The following ATP9A variants were observed in gnomAD, a reference collection of about 807,000 sequenced individuals.
ATP9A encodes the protein ATPase phospholipid transporting 9A, also known as probable phospholipid-transporting ATPase IIA.
A neutral mutation model predicts 144.1 loss-of-function variants in ATP9A; 52 were observed. The ratio of observed to expected loss-of-function variants is 0.36; its 90% CI spans 0.29 to 0.45. The LOEUF is 0.45. Ranked by LOEUF, ATP9A falls within the 20% of genes least tolerant of loss-of-function variation. The probability of loss-of-function intolerance (pLI) is 1.00; values close to 1 mark genes in which losing one functional copy is unlikely to be tolerated. For synonymous variants in ATP9A, 582 were observed against 557.4 expected (o/e 1.04, Z -0.62); for missense variants, 947 against 1,392.7 (o/e 0.68, Z 5.09).
Position 51,768,292 on chromosome 20 carries a change from G to C in ATP9A, c.68+10C>G. ...CGGACAAAGGAAAACACGGGCCCAG[G>C]CCCACTCACCCGGCGCGGGGCCTGC... On this transcript the variant is annotated intron_variant, in intron 1 of 27. Coordinates refer to ENST00000338821, the MANE Select transcript of ATP9A (RefSeq NM_006045.3). 7.8e-7 allele frequency: 1 copy of C among 1,283,772 alleles called. No homozygotes were observed. The highest frequency in any genetic ancestry group is 9.9e-7 in the Non-Finnish European group (1 of 1,006,980). 79.5% of individuals were successfully genotyped at this position (1,283,772 alleles called of 1,614,324 possible). A position where few individuals can be genotyped will look rare whatever the true frequency, so the allele number is the denominator to read the frequency against.
chr20:51,745,998 TA>T (rs2122895694), intron 1 of ATP9A, among the ~76,000 whole-genome samples: 1 of 152,234 alleles, frequency 6.6e-6, no homozygotes, highest in South Asian at 2.1e-4. Flanking sequence ...TACGCAGCCA[TA>T]AAAAAGAACA....
At chr20:51,750,411 A>C (rs2077826260) in intron 1 of ATP9A, among the ~76,000 whole-genome samples, 1 of 152,010 alleles carries the variant, frequency 6.6e-6, no homozygotes, top group African/African-American at 2.4e-5. Context: ...TACCCAAGAC[A>C]CTCGGTCATA....
chr20:51,753,495 C>T (rs946403587), intron 1 of ATP9A, among the ~76,000 whole-genome samples: 1 of 149,740 alleles, frequency 6.7e-6, no homozygotes, highest in Non-Finnish European at 1.5e-5. Context: ...AACAAACCCA[C>T]GTTCTACATG....
At chr20:51,716,213 T>G (rs948625799) in intron 3 of ATP9A, among the ~76,000 whole-genome samples, 2 of 152,150 alleles carry the variant, frequency 1.3e-5, no homozygotes, top group African/African-American at 4.8e-5. Context: ...TACTCCACAT[T>G]TATTTGGTCA....
chr20:51,677,638 C>A (rs1478324024), intron 9 of ATP9A, among the ~76,000 whole-genome samples: 1 of 152,178 alleles, frequency 6.6e-6, no homozygotes, highest in African/African-American at 2.4e-5. Flanking sequence ...CTTTTTAGAG[C>A]ACATTCTTCC....
At chr20:51,662,325 G>A (rs573018576) in intron 13 of ATP9A, among the ~76,000 whole-genome samples, 4 of 152,102 alleles carry the variant, frequency 2.6e-5, no homozygotes, top group South Asian at 2.1e-4. Flanking sequence ...CGAGTGGATC[G>A]CCTGAGGTCG....
At chr20:51,723,260 G>A (rs2077697357) in intron 3 of ATP9A, among the ~76,000 whole-genome samples, 2 of 152,130 alleles carry the variant, frequency 1.3e-5, no homozygotes, top group Admixed American at 1.3e-4. Context: ...AAAAGAGTGG[G>A]GAGGGAGGCA....
At chr20:51,683,030 T>C (rs887574050) in intron 9 of ATP9A, among the ~76,000 whole-genome samples, 2 of 150,076 alleles carry the variant, frequency 1.3e-5, no homozygotes, top group African/African-American at 4.9e-5. Flanking sequence ...AGGTGGAGGT[T>C]GCAATGAGCA....
At chr20:51,686,771 C>T (rs559966399) in intron 9 of ATP9A, among the ~76,000 whole-genome samples, 171 of 152,178 alleles carry the variant, frequency 1.1e-3, no homozygotes, top group Non-Finnish European at 2.1e-3. Flanking sequence ...CCCATCTTTA[C>T]TAAAAATACA....
chr20:51,666,195 T>A (rs190423023), intron 13 of ATP9A, among the ~76,000 whole-genome samples: 2 of 152,254 alleles, frequency 1.3e-5, no homozygotes, highest in Admixed American at 1.3e-4. Flanking sequence ...AAACTCTTCC[T>A]TGGAGTCCAC....
chr20:51,713,473 T>A lies in ATP9A; in HGVS notation c.328-399A>T, dbSNP rs139351987. Among the ~76,000 whole-genome samples, 824 of 152,278 alleles carry A rather than the reference T, an allele frequency of 5.4e-3. 3 individuals are homozygous for A. The highest frequency in any genetic ancestry group is 0.02 in the Middle Eastern group (6 of 294). On this transcript the variant is annotated intron_variant, in intron 3 of 27. Coordinates refer to ENST00000338821, the MANE Select transcript of ATP9A (RefSeq NM_006045.3). ...GTATTGGAAGTGCACTTCATCCTCA[T>A]AACAACCCTGAGATATGCTCCTATA...
chr20:51,657,894 T>G (rs1008437474), intron 13 of ATP9A, among the ~76,000 whole-genome samples: 5 of 152,224 alleles, frequency 3.3e-5, no homozygotes, highest in Admixed American at 6.5e-5. Flanking sequence ...GCTCAAGTTT[T>G]GCCTTGCAGG....
At chr20:51,658,740 G>C (rs889050450) in intron 13 of ATP9A, among the ~76,000 whole-genome samples, 2 of 151,582 alleles carry the variant, frequency 1.3e-5, no homozygotes, top group African/African-American at 4.9e-5. Flanking sequence ...GGCTGGTCTC[G>C]AACTCCTGAC....
intron 11 of ATP9A, among the ~76,000 whole-genome samples, chr20:51,671,494 T>C (rs769889029): frequency 6.6e-6 from 1 of 152,166 alleles, no homozygotes; most frequent in Non-Finnish European, 1.5e-5. Flanking sequence ...TCACTTAAAA[T>C]ACAGAAAGGG....
chr20:51,602,518 G>C (rs779708250), intron 27 of ATP9A, among the ~76,000 whole-genome samples: 1 of 152,232 alleles, frequency 6.6e-6, no homozygotes, highest in Non-Finnish European at 1.5e-5. Flanking sequence ...ACGCTTTCTA[G>C]AGACTAGTGA....
At chr20:51,635,034 T>C (rs1315181290) in intron 15 of ATP9A, among the ~76,000 whole-genome samples, 1 of 133,288 alleles carries the variant, frequency 7.5e-6, no homozygotes, top group Non-Finnish European at 1.6e-5. Flanking sequence ...GCCACCCCCC[T>C]GGAGTGGAGC....
At chr20:51,626,005 G>A (rs953822460) in intron 17 of ATP9A, among the ~76,000 whole-genome samples, 2 of 152,246 alleles carry the variant, frequency 1.3e-5, no homozygotes, top group Non-Finnish European at 2.9e-5. Context: ...GCATGGAGCA[G>A]GGCAGGGCCC....
At chr20:51,652,833 T>G (rs1478424035) in intron 14 of ATP9A, among the ~76,000 whole-genome samples, 1 of 150,948 alleles carries the variant, frequency 6.6e-6, no homozygotes, top group East Asian at 2.0e-4. Context: ...GCAAGGCCAG[T>G]CGCAGTGGCT....
Position 51,598,654 on chromosome 20 carries a change from C to A in ATP9A, c.*2557G>T, listed in dbSNP as rs1429167401. ...ATGACCTCCGAGAAGTACCCAGGCG[C>A]CCCTGGGGTTCTCTGCTGGGCTTAC... is the stretch of plus-strand genomic sequence containing the variant. On this transcript the variant is annotated 3_prime_UTR_variant, in exon 28 of 28. Coordinates refer to ENST00000338821, the MANE Select transcript of ATP9A (RefSeq NM_006045.3). The A allele has an allele frequency of 6.6e-6, 1 of 151,906 alleles. No individual in the cohort carries two copies. The highest frequency in any genetic ancestry group is 2.4e-5 in the African/African-American group (1 of 41,326). The allele number at this position is 151,906 out of a possible 1,614,324, so 9.4% of individuals were successfully genotyped here.
Sources: allele counts gnomAD v4.1 joint callset (sites outside exome capture counted in the v4.1 genomes callset), GRCh38; gene constraint gnomAD v4.1.1; transcripts MANE v1.5; gene names NCBI Gene and HGNC (gene_info 2026-07-23, HGNC 2026-07-21).